The following HS6ST3 variants were observed in gnomAD, a reference collection of about 807,000 sequenced individuals.
HS6ST3 encodes heparan sulfate 6-O-sulfotransferase 3.
A neutral mutation model predicts 36.7 loss-of-function variants in HS6ST3; 12 were observed. That is an observed-to-expected ratio of 0.33 (90% CI 0.21 to 0.53). The LOEUF (loss-of-function observed/expected upper bound fraction) is 0.53, where lower values mean the gene tolerates loss of function less well. Ranked by LOEUF, HS6ST3 falls within the 20% of genes least tolerant of loss-of-function variation. HS6ST3 has a pLI of 0.95. For missense variants in HS6ST3, 584 were observed against 640.9 expected (o/e 0.91, Z 0.96); for synonymous variants, 240 against 257.5 (o/e 0.93, Z 0.65).
chr13:96,309,461 G>C (rs914573966), intron 1 of HS6ST3, among the ~76,000 whole-genome samples: 5 of 152,114 alleles, frequency 3.3e-5, no homozygotes, highest in Non-Finnish European at 5.9e-5. Context: ...CAAGTAGTTA[G>C]TTTACTTAGT....
At chr13:96,660,668 G>C (rs969422458) in intron 1 of HS6ST3, among the ~76,000 whole-genome samples, 1 of 152,080 alleles carries the variant, frequency 6.6e-6, no homozygotes, top group Non-Finnish European at 1.5e-5. Flanking sequence ...AGAACTCAAA[G>C]AATTCTATTA....
chr13:96,433,955 ACTT>A (rs941058496), intron 1 of HS6ST3, among the ~76,000 whole-genome samples: 1 of 151,780 alleles, frequency 6.6e-6, no homozygotes, highest in African/African-American at 2.4e-5. Flanking sequence ...CAAAAACAAA[ACTT>A]CTTTTCTTTA....
rs556431459 is a variant in HS6ST3 at position 96,369,514 on chromosome 13, C to G, written c.707+277945C>G. Among the ~76,000 whole-genome samples the G allele has an allele frequency of 3.3e-5, 5 of 152,282 alleles. No homozygotes were observed. The South Asian group carries it at 1.0e-3, about 32-fold the overall frequency. On this transcript the variant is annotated intron_variant, in intron 1 of 1. Coordinates refer to ENST00000376705, the MANE Select transcript of HS6ST3 (RefSeq NM_153456.4). ...GAGCTGCCACTGAAGTCTTTCTAGG[C>G]AAAGCCTAGAGAAAGAAGATGCTGC...
chr13:96,490,334 G>T (rs1369062275), intron 1 of HS6ST3, among the ~76,000 whole-genome samples: 1 of 152,108 alleles, frequency 6.6e-6, no homozygotes, highest in Non-Finnish European at 1.5e-5. Flanking sequence ...GAAGAAAGTA[G>T]AACATGTGCA....
intron 1 of HS6ST3, among the ~76,000 whole-genome samples, chr13:96,210,293 C>T (rs987845176): frequency 7.2e-5 from 11 of 152,268 alleles, no homozygotes; most frequent in African/African-American, 1.4e-4. Context: ...AAACATTGAA[C>T]GGTCCTGCAC....
chr13:96,538,730 C>T (rs1020359904), intron 1 of HS6ST3, among the ~76,000 whole-genome samples: 4 of 152,220 alleles, frequency 2.6e-5, no homozygotes, highest in African/African-American at 9.6e-5. Context: ...AGGCGTGAGC[C>T]ACCATGCCCA....
chr13:96,260,557 C>T (rs539920154), intron 1 of HS6ST3, among the ~76,000 whole-genome samples: 1 of 152,126 alleles, frequency 6.6e-6, no homozygotes, highest in East Asian at 1.9e-4. Flanking sequence ...TCGTGATCCA[C>T]CCACCTCGGC....
At chr13:96,132,203 G>A (rs1012520654) in intron 1 of HS6ST3, among the ~76,000 whole-genome samples, 2 of 149,680 alleles carry the variant, frequency 1.3e-5, no homozygotes, top group Non-Finnish European at 3.0e-5. Flanking sequence ...TTCATCTGTT[G>A]ATAGACATGT....
At chr13:96,703,174 C>T (rs1421558550) in intron 1 of HS6ST3, among the ~76,000 whole-genome samples, 3 of 152,218 alleles carry the variant, frequency 2.0e-5, no homozygotes, top group Non-Finnish European at 4.4e-5. Flanking sequence ...TCAGTAAGAG[C>T]ATTGGCTCCC....
At chr13:96,346,018 C>T (rs966775095) in intron 1 of HS6ST3, among the ~76,000 whole-genome samples, 8 of 152,110 alleles carry the variant, frequency 5.3e-5, no homozygotes, top group African/African-American at 1.9e-4. Context: ...GTGCAGTTCA[C>T]AATAGTTTTC....
At chr13:96,497,129 G>A (rs970250793) in intron 1 of HS6ST3, among the ~76,000 whole-genome samples, 5 of 152,112 alleles carry the variant, frequency 3.3e-5, no homozygotes, top group Admixed American at 6.5e-5. Flanking sequence ...ATCTCTAGTC[G>A]AAATGAAAAC....
Position 96,105,075 on chromosome 13 carries a change from A to AG in HS6ST3, c.707+13506_707+13507insG, listed in dbSNP as rs557076351. 6.6e-4 allele frequency among the ~76,000 whole-genome samples: 100 copies of AG among 151,562 alleles called. 1 individual carries two copies. The highest frequency in any genetic ancestry group is 1.1e-3 in the Non-Finnish European group (75 of 67,828). ...CAAAGGCATAAAGATGGAAAAAAAA[A>AG]AAAAAGAAAAAGAAAGAAGAAAAGT... On this transcript the variant is annotated intron_variant, in intron 1 of 1. Transcript: ENST00000376705.
At chr13:96,146,783 A>AAAG (rs2054060270) in intron 1 of HS6ST3, among the ~76,000 whole-genome samples, 1 of 152,170 alleles carries the variant, frequency 6.6e-6, no homozygotes, top group Non-Finnish European at 1.5e-5. Context: ...TGAGTACTTT[A>AAAG]TGATTTCTTT....
At chr13:96,789,206 G>T (rs569497200) in intron 1 of HS6ST3, among the ~76,000 whole-genome samples, 4 of 151,624 alleles carry the variant, frequency 2.6e-5, no homozygotes, top group African/African-American at 9.7e-5. Flanking sequence ...TTTGTCTAGG[G>T]ATTATAATAT....
intron 1 of HS6ST3, among the ~76,000 whole-genome samples, chr13:96,355,358 TACACACACACACAC>T (rs66509801): frequency 0.33 from 46,622 of 140,446 alleles, 7,453 homozygotes; most frequent in South Asian, 0.39. Flanking sequence ...AGTCTATAGT[TACACACACACACAC>T]ACACACACAC....
chr13:96,582,317 TAGCA>T (rs1594811891), intron 1 of HS6ST3, among the ~76,000 whole-genome samples: 1 of 114,524 alleles, frequency 8.7e-6, no homozygotes, highest in East Asian at 2.5e-4. Flanking sequence ...TGTGAGAAAT[TAGCA>T]GGAATCAGAT....
intron 1 of HS6ST3, among the ~76,000 whole-genome samples, chr13:96,523,869 A>C (rs958902237): frequency 1.3e-5 from 2 of 152,174 alleles, no homozygotes; most frequent in South Asian, 4.1e-4. Flanking sequence ...TCAACTCGTC[A>C]AACTCATTCT....
intron 1 of HS6ST3, among the ~76,000 whole-genome samples, chr13:96,554,048 T>C (rs1566394882): frequency 6.6e-6 from 1 of 152,136 alleles, no homozygotes; most frequent in Non-Finnish European, 1.5e-5. Context: ...GAAGTACAAA[T>C]AGAAGGTTGA....
intron 1 of HS6ST3, among the ~76,000 whole-genome samples, chr13:96,616,587 A>T (rs1218691966): frequency 6.6e-6 from 1 of 152,154 alleles, no homozygotes; most frequent in Non-Finnish European, 1.5e-5. Flanking sequence ...CATAGAAATT[A>T]CTCTGTTTTA....
Sources: gnomAD v4.1 joint callset for allele counts (sites outside exome capture counted in the v4.1 genomes callset) on GRCh38, gnomAD v4.1.1 for gene constraint, MANE v1.5 for transcripts, NCBI Gene and HGNC (gene_info 2026-07-23, HGNC 2026-07-21) for gene names.